DAB1: variants seen among roughly 807,000 people sequenced by gnomAD.
The protein encoded by DAB1 is disabled homolog 1.
In DAB1, 15 loss-of-function variants were observed where a neutral mutation model predicts 64.6. The ratio of observed to expected loss-of-function variants is 0.23; its 90% CI spans 0.16 to 0.36. The LOEUF (loss-of-function observed/expected upper bound fraction) is 0.36. DAB1 is among the 10% of genes least tolerant of loss of function. The probability of loss-of-function intolerance (pLI) is 1.00; values close to 1 mark genes in which losing one functional copy is unlikely to be tolerated. For synonymous variants in DAB1, 235 were observed against 251.9 expected (o/e 0.93, Z 0.64); for missense variants, 596 against 706.7 (o/e 0.84, Z 1.78).
At chr1:57,604,049 C>A (rs1345499633) in intron 7 of DAB1, among the ~76,000 whole-genome samples, 1 of 152,216 alleles carries the variant, frequency 6.6e-6, no homozygotes, top group Non-Finnish European at 1.5e-5. Context: ...GGGGCCTCCA[C>A]TGCCCTGAAG....
chr1:57,890,456 C>CTTTTTTTTTTTT (rs71246207), intron 5 of DAB1, among the ~76,000 whole-genome samples: 9 of 136,612 alleles, frequency 6.6e-5, no homozygotes, highest in African/African-American at 8.2e-5. Flanking sequence ...CTTTTCTTTT[C>CTTTTTTTTTTTT]TTTTTTTTTT....
At chr1:57,113,398 C>T (rs1655833829) in intron 4 of DAB1, among the ~76,000 whole-genome samples, 1 of 152,078 alleles carries the variant, frequency 6.6e-6, no homozygotes, top group Admixed American at 6.5e-5. Flanking sequence ...GGTACAAAGA[C>T]CTTAAGTAAT....
At chr1:58,126,189 C>T (rs1653067369) in intron 5 of DAB1, among the ~76,000 whole-genome samples, 1 of 152,206 alleles carries the variant, frequency 6.6e-6, no homozygotes, top group Non-Finnish European at 1.5e-5. Context: ...ACCCACTTGG[C>T]ATGGCTGCCC....
chr1:57,198,649 T>TCTCTCTCTCTCTCACACA (rs1477522407), intron 2 of DAB1, among the ~76,000 whole-genome samples: 19 of 128,334 alleles, frequency 1.5e-4, no homozygotes, highest in South Asian at 5.3e-4. Flanking sequence ...CTTCTCTCTC[T>TCTCTCTCTCTCTCACACA]CACACACACA....
chr1:57,733,282 T>G (rs1160450875), intron 6 of DAB1, among the ~76,000 whole-genome samples: 2 of 151,906 alleles, frequency 1.3e-5, no homozygotes, highest in African/African-American at 4.8e-5. Context: ...TACTTGCTAA[T>G]GTACTATATA....
chr1:57,237,274 A>G (rs1668160070), intron 2 of DAB1, among the ~76,000 whole-genome samples: 3 of 152,234 alleles, frequency 2.0e-5, no homozygotes, highest in Admixed American at 6.5e-5. Context: ...GGCACTGTCC[A>G]GATAAAAGAC....
At chr1:57,910,160 A>G (rs1169676546) in intron 5 of DAB1, among the ~76,000 whole-genome samples, 1 of 152,210 alleles carries the variant, frequency 6.6e-6, no homozygotes, top group East Asian at 1.9e-4. Flanking sequence ...ACCAGAGGCC[A>G]CCGTATTCAT....
chr1:57,837,989 A>G (rs959204831), intron 1 of DAB1, among the ~76,000 whole-genome samples: 22 of 151,468 alleles, frequency 1.5e-4, no homozygotes, highest in African/African-American at 4.9e-4. Flanking sequence ...ATTTCCCCCC[A>G]CTGTTACCAC....
intron 7 of DAB1, among the ~76,000 whole-genome samples, chr1:57,517,923 T>C (rs1644481343): frequency 6.6e-6 from 1 of 152,216 alleles, no homozygotes; most frequent in Admixed American, 6.5e-5. Context: ...GGTTCAGCTT[T>C]CTCAGCCCCC....
At chr1:58,350,201 T>C (rs1173556638) in intron 3 of DAB1, among the ~76,000 whole-genome samples, 1 of 152,014 alleles carries the variant, frequency 6.6e-6, no homozygotes, top group African/African-American at 2.4e-5. Context: ...CATTTCTCAA[T>C]AACAGTGATG....
intron 5 of DAB1, among the ~76,000 whole-genome samples, chr1:58,135,809 G>T (rs1653912336): frequency 6.6e-6 from 1 of 152,172 alleles, no homozygotes; most frequent in Non-Finnish European, 1.5e-5. Context: ...GCATGCTTCA[G>T]TTTCTACTGA....
intron 3 of DAB1, among the ~76,000 whole-genome samples, chr1:58,411,122 A>C (rs1644663591): frequency 6.6e-6 from 1 of 151,992 alleles, no homozygotes; most frequent in Admixed American, 6.6e-5. Context: ...GGATCTCATT[A>C]CTCTTTTTTA....
intron 3 of DAB1, among the ~76,000 whole-genome samples, chr1:57,144,242 A>G (rs1403192747): frequency 6.6e-6 from 1 of 152,102 alleles, no homozygotes; most frequent in Non-Finnish European, 1.5e-5. Context: ...TTTGAAATAC[A>G]TATGATATTT....
At chr1:57,923,619 T>C (rs1400693309) in intron 5 of DAB1, among the ~76,000 whole-genome samples, 1 of 152,154 alleles carries the variant, frequency 6.6e-6, no homozygotes, top group African/African-American at 2.4e-5. Flanking sequence ...TTGGAAACTG[T>C]TACAGTTCCT....
chr1:57,549,829 T>C (rs1208358526), intron 7 of DAB1, among the ~76,000 whole-genome samples: 1 of 152,128 alleles, frequency 6.6e-6, no homozygotes, highest in Non-Finnish European at 1.5e-5. Flanking sequence ...TGAAGCAGAA[T>C]TTGAACAGAA....
At chr1:57,076,936 C>G (rs1652047818) in intron 4 of DAB1, among the ~76,000 whole-genome samples, 1 of 152,154 alleles carries the variant, frequency 6.6e-6, no homozygotes, top group Non-Finnish European at 1.5e-5. Flanking sequence ...GCTATGGCTA[C>G]ACAGATGAAT....
intron 4 of DAB1, among the ~76,000 whole-genome samples, chr1:58,173,969 C>T (rs569804129): frequency 6.6e-6 from 1 of 152,260 alleles, no homozygotes; most frequent in Admixed American, 6.5e-5. Flanking sequence ...CTTCATTATC[C>T]TACTACCACA....
At chr1:57,276,830 G>T (rs1181383903) in intron 2 of DAB1, among the ~76,000 whole-genome samples, 1 of 152,076 alleles carries the variant, frequency 6.6e-6, no homozygotes, top group Non-Finnish European at 1.5e-5. Context: ...AACTATAATT[G>T]TTTCTTATTT....
chr1:57,824,309 G>A (rs1652250850), downstream of DAB1, among the ~76,000 whole-genome samples: 1 of 152,136 alleles, frequency 6.6e-6, no homozygotes, highest in Non-Finnish European at 1.5e-5. Context: ...CTTCCATGCT[G>A]TGAATGTGGT....
Sources: allele counts gnomAD v4.1 joint callset (sites outside exome capture counted in the v4.1 genomes callset), GRCh38; gene constraint gnomAD v4.1.1; transcripts MANE v1.5; gene names NCBI Gene and HGNC (gene_info 2026-07-23, HGNC 2026-07-21).